Variants in DCTN6 observed in about 807,000 individuals in gnomAD.
DCTN6 encodes the protein dynactin subunit 6, also known as dynactin 6.
In DCTN6, 15 loss-of-function variants were observed where a neutral mutation model predicts 25.8. That is an observed-to-expected ratio of 0.58 (90% CI 0.39 to 0.89). DCTN6 has a LOEUF of 0.89. Among genes scored for constraint, DCTN6 ranks in the 40% least tolerant of loss-of-function variants. The pLI, the probability that DCTN6 is intolerant of heterozygous loss-of-function variation, is 0.00. For missense variants in DCTN6, 198 were observed against 237.6 expected (o/e 0.83, Z 1.09); for synonymous variants, 64 against 78.3 (o/e 0.82, Z 0.96).
intron 2 of DCTN6, among the ~76,000 whole-genome samples, chr8:30,170,382 G>A (rs1803748033): frequency 6.6e-6 from 1 of 152,140 alleles, no homozygotes; most frequent in East Asian, 1.9e-4. Context: ...CTTAACACTG[G>A]GACCTGTAGT....
intron 3 of DCTN6, among the ~76,000 whole-genome samples, chr8:30,176,373 CA>C (rs35907360): frequency 0.51 from 77,416 of 151,160 alleles, 24,717 homozygotes; most frequent in Non-Finnish European, 0.71. Context: ...ACTGAAAATA[CA>C]AAAAAAAATT....
intron 2 of DCTN6, among the ~76,000 whole-genome samples, chr8:30,172,645 GT>G (rs1803779725): frequency 6.6e-6 from 1 of 151,932 alleles, no homozygotes; most frequent in African/African-American, 2.4e-5. Flanking sequence ...TAGAGACAAG[GT>G]TTCACCATGT....
Position 30,163,961 on chromosome 8 carries a change from C to G in DCTN6, c.24-150C>G, listed in dbSNP as rs1304794730. ...AGGTGATCCCCCCACCTCGGCCTCC[C>G]AAAGTGCTAGGATTACAGGCGTGAG... On this transcript the variant is annotated intron_variant, in intron 1 of 6. Coordinates refer to ENST00000221114, the MANE Select transcript of DCTN6 (RefSeq NM_006571.4). 3.1e-5 allele frequency: 20 copies of G among 637,534 alleles called. No individual in the cohort carries two copies. The East Asian group carries it at 5.6e-4, about 18-fold the overall frequency. 39.5% of individuals were successfully genotyped at this position (637,534 alleles called of 1,614,324 possible).
At chr8:30,166,866 T>C (rs1490573544) in intron 2 of DCTN6, among the ~76,000 whole-genome samples, 2 of 151,458 alleles carry the variant, frequency 1.3e-5, no homozygotes, top group Non-Finnish European at 2.9e-5. Context: ...GAGGCTGAGG[T>C]TGGGAGGATC....
chr8:30,163,383 G>C (rs1450397372), intron 1 of DCTN6, among the ~76,000 whole-genome samples: 6 of 152,096 alleles, frequency 3.9e-5, no homozygotes, highest in Non-Finnish European at 7.4e-5. Context: ...TGGCCTCCCA[G>C]AGTGCTGGGA....
chr8:30,164,094 C>T lies in DCTN6; in HGVS notation c.24-17C>T. 6.2e-7 allele frequency: 1 copy of T among 1,609,290 alleles called. No individual in the cohort carries two copies. Among genetic ancestry groups the T allele is most frequent in the South Asian group, 1.1e-5 (1 of 90,936 alleles). On this transcript the variant is annotated splice_polypyrimidine_tract_variant and intron_variant, in intron 1 of 6. Transcript: ENST00000221114. Reference sequence around the variant, plus strand: ...TTAATCTTACCCCTGGTAAATGTTACCTTTTTCTTGCTACAGTGTGAAGAT... The same window carrying T: ...TTAATCTTACCCCTGGTAAATGTTATCTTTTTCTTGCTACAGTGTGAAGAT...
chr8:30,166,131 G>C (rs1803665984), intron 2 of DCTN6, among the ~76,000 whole-genome samples: 2 of 151,952 alleles, frequency 1.3e-5, no homozygotes. Context: ...TGATATTCTA[G>C]GAATAATACC....
intron 2 of DCTN6, among the ~76,000 whole-genome samples, chr8:30,166,303 G>C (rs575201496): frequency 3.7e-4 from 55 of 147,182 alleles, no homozygotes; most frequent in African/African-American, 1.3e-3. Flanking sequence ...ACCCCGTTTT[G>C]GTTTTTTTTT....
At chr8:30,169,144 C>T (rs1026723506) in intron 2 of DCTN6, among the ~76,000 whole-genome samples, 11 of 152,196 alleles carry the variant, frequency 7.2e-5, no homozygotes, top group Admixed American at 4.6e-4. Flanking sequence ...AGTTTTAATA[C>T]GGACCAAAAG....
At chr8:30,181,276 A>ATATCAGTC (rs1227480235) in intron 6 of DCTN6, among the ~76,000 whole-genome samples, 4 of 152,338 alleles carry the variant, frequency 2.6e-5, no homozygotes, top group African/African-American at 9.6e-5. Flanking sequence ...TACTCCTAAA[A>ATATCAGTC]TATCAGTCTT....
chr8:30,161,435 A>T (rs1803592915), intron 1 of DCTN6, among the ~76,000 whole-genome samples: 1 of 152,112 alleles, frequency 6.6e-6, no homozygotes, highest in Non-Finnish European at 1.5e-5. Context: ...ACTTCTTCAT[A>T]CAAGTGTCAA....
intron 2 of DCTN6, among the ~76,000 whole-genome samples, chr8:30,171,225 A>G (rs891699524): frequency 3.9e-4 from 59 of 151,988 alleles, no homozygotes; most frequent in Non-Finnish European, 6.9e-4. Flanking sequence ...TTTCTGTAAC[A>G]GATATGACGA....
At chr8:30,161,949 G>A (rs1410493531) in intron 1 of DCTN6, among the ~76,000 whole-genome samples, 10 of 148,912 alleles carry the variant, frequency 6.7e-5, no homozygotes, top group South Asian at 6.4e-4. Flanking sequence ...GGGTTTCACC[G>A]TGCTAGCCAG....
chr8:30,170,680 C>A (rs1803751910), intron 2 of DCTN6, among the ~76,000 whole-genome samples: 1 of 150,394 alleles, frequency 6.6e-6, no homozygotes, highest in Admixed American at 6.6e-5. Context: ...CTCACTTTGT[C>A]ACCCAGGCTG....
Position 30,179,458 on chromosome 8 carries a change from A to G in DCTN6, c.331+3A>G. 1.2e-6 allele frequency: 2 copies of G among 1,611,320 alleles called. No homozygotes were observed. The highest frequency in any genetic ancestry group is 1.7e-6 in the Non-Finnish European group (2 of 1,178,610). On this transcript the variant is annotated splice_donor_region_variant and intron_variant, in intron 5 of 6. Coordinates refer to ENST00000221114, the MANE Select transcript of DCTN6 (RefSeq NM_006571.4). ...TAATAATGTCATTGAATCAAAAGGT[A>G]AGCTACATTCAGAGTTTCATTGTCA...
At chr8:30,178,359 A>T (rs1056894893) in intron 4 of DCTN6, among the ~76,000 whole-genome samples, 1 of 151,230 alleles carries the variant, frequency 6.6e-6, no homozygotes, top group Non-Finnish European at 1.5e-5. Context: ...GCTACTCGGG[A>T]GGCTGAGGCA....
intron 2 of DCTN6, among the ~76,000 whole-genome samples, chr8:30,170,314 C>T (rs898026709): frequency 9.8e-5 from 15 of 152,314 alleles, no homozygotes; most frequent in Admixed American, 3.9e-4. Context: ...TTGCCCGTGA[C>T]ATTTGCTGTC....
In DCTN6 at chr8:30,157,464, C is replaced by T. The variant is rs112570239; in HGVS notation, c.23+1058C>T. ...TAGATCCTGGGTCGAATGGTAGTTC[C>T]GTTTGGATTGGTAGCTCTATATGGA... On this transcript the variant is annotated intron_variant, in intron 1 of 6. Transcript: ENST00000221114. Among the ~76,000 whole-genome samples the T allele has an allele frequency of 4.7e-3, 708 of 152,230 alleles. 7 individuals are homozygous for T. Among genetic ancestry groups the T allele is most frequent in the African/African-American group, 0.016 (680 of 41,510 alleles).
Position 30,167,051 on chromosome 8 carries a change from G to A in DCTN6, c.88+2876G>A, listed in dbSNP as rs560940655. ...AGAGGAAAGGGAGGGAGGGAGGAAA[G>A]GAAGGAAGGGAGAGAGACGGAAAGA... On this transcript the variant is annotated intron_variant, in intron 2 of 6. Coordinates refer to ENST00000221114, the MANE Select transcript of DCTN6 (RefSeq NM_006571.4). Among the ~76,000 whole-genome samples the A allele has an allele frequency of 5.3e-5, 8 of 150,436 alleles. No homozygotes were observed. In the South Asian group the frequency reaches 1.7e-3, roughly 32 times the overall value.
Sources: gnomAD v4.1 joint callset for allele counts (sites outside exome capture counted in the v4.1 genomes callset) on GRCh38, gnomAD v4.1.1 for gene constraint, MANE v1.5 for transcripts, NCBI Gene and HGNC (gene_info 2026-07-23, HGNC 2026-07-21) for gene names.